CRTAC1: variants seen among roughly 807,000 people sequenced by gnomAD.
CRTAC1 encodes acidic secreted protein in cartilage.
A neutral mutation model predicts 67.8 loss-of-function variants in CRTAC1; 37 were observed. The ratio of observed to expected loss-of-function variants is 0.55; its 90% CI spans 0.42 to 0.72. The LOEUF (loss-of-function observed/expected upper bound fraction) is 0.72. CRTAC1 is among the 30% of genes least tolerant of loss of function. The pLI, the probability that CRTAC1 is intolerant of heterozygous loss-of-function variation, is 0.00. For synonymous variants in CRTAC1, 348 were observed against 371.0 expected (o/e 0.94, Z 0.71); for missense variants, 780 against 931.6 (o/e 0.84, Z 2.12).
At chr10:97,879,816 C>T (rs2297934) in intron 14 of CRTAC1, 200,750 of 1,122,022 alleles carry the variant, frequency 0.18, 14,177 homozygotes, top group African/African-American at 0.35. Flanking sequence ...AAAAACGATG[C>T]GGCGGGGAGA....
chr10:97,898,856 T>G (rs548071174), intron 8 of CRTAC1, among the ~76,000 whole-genome samples: 1 of 152,348 alleles, frequency 6.6e-6, no homozygotes, highest in South Asian at 2.1e-4. Flanking sequence ...AGTGTCCTTG[T>G]TCATGCCTTT....
intron 2 of CRTAC1, among the ~76,000 whole-genome samples, chr10:97,961,415 T>G (rs1170875318): frequency 6.6e-6 from 1 of 152,232 alleles, no homozygotes; most frequent in African/African-American, 2.4e-5. Flanking sequence ...GAGGTTTCAT[T>G]ATCCTATTCT....
chr10:98,005,100 A>ATATATATATATTT, intron 2 of CRTAC1, among the ~76,000 whole-genome samples: 8 of 48,886 alleles, frequency 1.6e-4, no homozygotes, highest in African/African-American at 4.6e-4. Flanking sequence ...ATATATATAT[A>ATATATATATATTT]TTTTTTTTTT....
At chr10:97,968,497 C>T (rs1226287782) in intron 2 of CRTAC1, among the ~76,000 whole-genome samples, 1 of 152,150 alleles carries the variant, frequency 6.6e-6, no homozygotes, top group Non-Finnish European at 1.5e-5. Flanking sequence ...GCCCGCCTCC[C>T]AAAGTGCTGG....
intron 5 of CRTAC1, among the ~76,000 whole-genome samples, chr10:97,915,679 A>C (rs1157599209): frequency 6.6e-6 from 1 of 150,418 alleles, no homozygotes; most frequent in Non-Finnish European, 1.5e-5. Context: ...ATGTGTCATT[A>C]GCTGAGTGAC....
Position 97,994,917 on chromosome 10 carries a change from G to C in CRTAC1, c.224+16221C>G, listed in dbSNP as rs376457659. 1.6e-4 allele frequency among the ~76,000 whole-genome samples: 25 copies of C among 152,182 alleles called. 1 individual carries two copies. Among genetic ancestry groups the C allele is most frequent in the East Asian group, 9.6e-4 (5 of 5,186 alleles). ...TGTGTGAGGAGCTCTGGAATGCATTGCTGCTTTCCAGGATAGCTCCCAAGC... is the reference window on the plus strand; with the variant it reads ...TGTGTGAGGAGCTCTGGAATGCATTCCTGCTTTCCAGGATAGCTCCCAAGC... On this transcript the variant is annotated intron_variant, in intron 2 of 14. Transcript: ENST00000370597.
intron 5 of CRTAC1, among the ~76,000 whole-genome samples, chr10:97,916,211 G>C (rs1378885199): frequency 6.6e-6 from 1 of 151,316 alleles, no homozygotes; most frequent in East Asian, 1.9e-4. Context: ...AGCCAGCCCA[G>C]TGCACAGAAC....
intron 6 of CRTAC1, among the ~76,000 whole-genome samples, chr10:97,905,282 C>T (rs548209769): frequency 4.6e-5 from 7 of 152,290 alleles, no homozygotes; most frequent in Admixed American, 1.3e-4. Context: ...TGGTCCTGTC[C>T]GCCTTATCTG....
Position 97,951,190 on chromosome 10 carries a change from T to G in CRTAC1, c.225-14824A>C, listed in dbSNP as rs115495341. On this transcript the variant is annotated intron_variant, in intron 2 of 14. Transcript: ENST00000370597. ...TACTGTTCTGCCTGCTGGATCTACC[T>G]CCTACTGTGGATATCCCATCCCAGT... is the stretch of plus-strand genomic sequence containing the variant. Among the ~76,000 whole-genome samples the G allele has an allele frequency of 8.8e-3, 1,341 of 152,324 alleles. 23 individuals are homozygous for G. The highest frequency in any genetic ancestry group is 0.031 in the African/African-American group (1,279 of 41,576).
intron 2 of CRTAC1, among the ~76,000 whole-genome samples, chr10:97,980,206 G>A (rs1482191463): frequency 1.3e-5 from 2 of 152,246 alleles, no homozygotes; most frequent in African/African-American, 2.4e-5. Context: ...TCAGGGCAAT[G>A]CCAGGCACAC....
At chr10:97,942,542 T>G (rs1339179181) in intron 2 of CRTAC1, among the ~76,000 whole-genome samples, 5 of 152,196 alleles carry the variant, frequency 3.3e-5, no homozygotes, top group Admixed American at 3.3e-4. Flanking sequence ...TTAGAATCTT[T>G]GACCTATGTG....
intron 4 of CRTAC1, among the ~76,000 whole-genome samples, chr10:97,920,175 G>C (rs1050440254): frequency 7.9e-5 from 12 of 152,156 alleles, no homozygotes; most frequent in Non-Finnish European, 2.9e-5. Context: ...AACCCTTCCC[G>C]ACCCTACCAG....
At chr10:98,015,971 G>A (rs978835338) in intron 1 of CRTAC1, among the ~76,000 whole-genome samples, 1 of 152,190 alleles carries the variant, frequency 6.6e-6, no homozygotes, top group South Asian at 2.1e-4. Flanking sequence ...TGGATCTAAG[G>A]AGCTGAAATC....
In CRTAC1 at chr10:97,939,396, C is replaced by G. The variant is rs79911307; in HGVS notation, c.225-3030G>C. ...GAGTGAGCACACGCCACAAAGGCTT[C>G]CCTAAACTGACATGGTAGCTTGGGA... is the stretch of plus-strand genomic sequence containing the variant. On this transcript the variant is annotated intron_variant, in intron 2 of 14. Coordinates refer to ENST00000370597, the MANE Select transcript of CRTAC1 (RefSeq NM_018058.7). Among the ~76,000 whole-genome samples the G allele has an allele frequency of 4.0e-4, 61 of 152,308 alleles. No homozygotes were observed. In the East Asian group the frequency reaches 7.7e-3, roughly 19 times the overall value.
intron 2 of CRTAC1, among the ~76,000 whole-genome samples, chr10:98,006,479 G>A (rs1293247943): frequency 6.6e-6 from 1 of 152,070 alleles, no homozygotes; most frequent in Non-Finnish European, 1.5e-5. Flanking sequence ...AACAAAGGGC[G>A]GTCATTTCCT....
chr10:97,889,068 G>A (rs779791547), intron 11 of CRTAC1, among the ~76,000 whole-genome samples: 25 of 151,100 alleles, frequency 1.7e-4, no homozygotes, highest in Non-Finnish European at 3.4e-4. Context: ...GCTGAAAGGC[G>A]GTGGCATGTG....
chr10:97,919,716 C>T (rs926564394), intron 4 of CRTAC1, among the ~76,000 whole-genome samples: 3 of 151,506 alleles, frequency 2.0e-5, no homozygotes, highest in African/African-American at 4.9e-5. Context: ...GGCAAAACCG[C>T]CATGTGATTC....
At position 98,029,081 on chromosome 10, in the gene CRTAC1, CAG is replaced by C. The variant is rs989366616; in HGVS notation, c.24+1366_24+1367del. 6.0e-5 allele frequency among the ~76,000 whole-genome samples: 9 copies of C among 151,076 alleles called. No individual in the cohort carries two copies. Among genetic ancestry groups the C allele is most frequent in the Non-Finnish European group, 7.4e-5 (5 of 67,564 alleles). ...GCCAGAAGGATGTTCTTAACCAAGTCAGAGAGAGAGAGAGAACATTTTCTCAA... is the reference window on the plus strand; with the variant it reads ...GCCAGAAGGATGTTCTTAACCAAGTCAGAGAGAGAGAGAACATTTTCTCAA... On this transcript the variant is annotated intron_variant, in intron 1 of 14. Transcript: ENST00000370597. The surrounding 1 kb of genome is among the most constrained non-coding windows in gnomAD (Gnocchi z 4.7).
intron 5 of CRTAC1, among the ~76,000 whole-genome samples, chr10:97,913,966 C>T (rs903493734): frequency 1.3e-5 from 2 of 152,202 alleles, no homozygotes; most frequent in African/African-American, 4.8e-5. Flanking sequence ...ATACTGCTCC[C>T]AGCCAACAGC....
Sources: gnomAD v4.1 joint callset for allele counts (sites outside exome capture counted in the v4.1 genomes callset) on GRCh38, gnomAD v4.1.1 for gene constraint, Gnocchi (gnomAD v3.1) non-coding constraint, MANE v1.5 for transcripts, NCBI Gene and HGNC (gene_info 2026-07-23, HGNC 2026-07-21) for gene names.